MAD1L1: variants seen among roughly 807,000 people sequenced by gnomAD.
The protein encoded by MAD1L1 is mitotic spindle assembly checkpoint protein MAD1.
MAD1L1 carries 95 observed loss-of-function variants against 96.9 expected under a neutral mutation model. The observed-to-expected ratio is 0.98, with a 90% confidence interval of 0.83 to 1.16. The LOEUF (loss-of-function observed/expected upper bound fraction) is 1.16, where lower values mean the gene tolerates loss of function less well. Among genes scored for constraint, MAD1L1 ranks in the 50% most tolerant of loss-of-function variants. MAD1L1 has a pLI of 0.00. For synonymous variants in MAD1L1, 473 were observed against 396.6 expected (o/e 1.19, Z -2.29); for missense variants, 1,007 against 954.4 (o/e 1.06, Z -0.73).
intron 11 of MAD1L1, among the ~76,000 whole-genome samples, chr7:2,137,558 G>A (rs1187692423): frequency 6.6e-6 from 1 of 152,050 alleles, no homozygotes; most frequent in Non-Finnish European, 1.5e-5. Flanking sequence ...TGGCCCAGGT[G>A]AGTGAGGGGC....
intron 10 of MAD1L1, among the ~76,000 whole-genome samples, chr7:2,181,444 T>C (rs181981593): frequency 1.3e-5 from 2 of 152,362 alleles, no homozygotes; most frequent in East Asian, 3.9e-4. Flanking sequence ...AAATGCTAAA[T>C]ATCATTAATT....
At chr7:2,198,373 C>A (rs1039200239) in intron 10 of MAD1L1, among the ~76,000 whole-genome samples, 2 of 152,188 alleles carry the variant, frequency 1.3e-5, no homozygotes, top group Non-Finnish European at 2.9e-5. Context: ...CAGCCACTCA[C>A]GCTCTCCACA....
chr7:1,852,729 A>G (rs867787914), intron 18 of MAD1L1, among the ~76,000 whole-genome samples: 17 of 151,950 alleles, frequency 1.1e-4, no homozygotes, highest in Admixed American at 6.5e-4. Context: ...CGGTGTCGGC[A>G]CAGGCCTTGT....
rs1583913724 is a variant in MAD1L1, at chr7:1,957,512, C to T, written c.1596+117G>A. 11 of 1,023,508 alleles carry T rather than the reference C, an allele frequency of 1.1e-5. No individual in the cohort carries two copies. In the East Asian group the frequency reaches 2.7e-4, roughly 25 times the overall value. The allele number at this position is 1,023,508 out of a possible 1,614,324, so 63.4% of individuals were successfully genotyped here. On this transcript the variant is annotated intron_variant, in intron 16 of 18. Coordinates refer to ENST00000265854, the MANE Select transcript of MAD1L1 (RefSeq NM_001013836.2). ...GGTGCACATGGGAGGGAGGAGAGTTCAGACAGACGAGCCAGAAAACGGGTG... is the reference window on the plus strand; with the variant it reads ...GGTGCACATGGGAGGGAGGAGAGTTTAGACAGACGAGCCAGAAAACGGGTG...
At chr7:1,901,917 G>C (rs920920549) in intron 17 of MAD1L1, among the ~76,000 whole-genome samples, 1 of 152,164 alleles carries the variant, frequency 6.6e-6, no homozygotes, top group Non-Finnish European at 1.5e-5. Flanking sequence ...CCCCTGCTTT[G>C]GGCAGAACCG....
intron 15 of MAD1L1, among the ~76,000 whole-genome samples, chr7:1,963,726 G>A (rs1010947785): frequency 8.5e-5 from 13 of 152,204 alleles, no homozygotes; most frequent in South Asian, 2.1e-4. Context: ...GACGCCGTGC[G>A]CTGCCCTCCC....
intron 18 of MAD1L1, among the ~76,000 whole-genome samples, chr7:1,827,667 G>A (rs1215126439): frequency 2.0e-5 from 2 of 102,368 alleles, no homozygotes; most frequent in Non-Finnish European, 4.5e-5. Flanking sequence ...AGCCCGGCCC[G>A]GGTGTGGGGG....
intron 10 of MAD1L1, chr7:2,202,061 C>T (rs1792337403): frequency 6.6e-6 from 1 of 152,466 alleles, no homozygotes; most frequent in South Asian, 2.1e-4. Flanking sequence ...TCACAGCAGC[C>T]AAGAGCACTG....
chr7:2,009,870 G>C (rs1219830795), intron 13 of MAD1L1, among the ~76,000 whole-genome samples: 1 of 152,132 alleles, frequency 6.6e-6, no homozygotes, highest in Non-Finnish European at 1.5e-5. Context: ...GCTGCCGGGG[G>C]TGGCACCGGC....
At chr7:1,993,893 G>A (rs1781449219) in intron 14 of MAD1L1, among the ~76,000 whole-genome samples, 1 of 152,220 alleles carries the variant, frequency 6.6e-6, no homozygotes, top group Non-Finnish European at 1.5e-5. Context: ...CTGGCCCTGG[G>A]CTAACGCTGG....
chr7:2,141,246 C>T (rs531864191), intron 11 of MAD1L1, among the ~76,000 whole-genome samples: 2 of 152,382 alleles, frequency 1.3e-5, no homozygotes, highest in Admixed American at 1.3e-4. Context: ...CAGTGCCCCA[C>T]TGCGGAGGCC....
At chr7:1,836,555 C>A (rs1461710123) in intron 18 of MAD1L1, among the ~76,000 whole-genome samples, 1 of 152,148 alleles carries the variant, frequency 6.6e-6, no homozygotes, top group Middle Eastern at 3.2e-3. Context: ...GCCTCTGATA[C>A]CCGCACACTG....
chr7:2,097,501 G>T (rs1786554161), intron 11 of MAD1L1, among the ~76,000 whole-genome samples: 1 of 152,202 alleles, frequency 6.6e-6, no homozygotes, highest in African/African-American at 2.4e-5. Context: ...AAGCAATGGG[G>T]CCGAGGAACA....
intron 18 of MAD1L1, chr7:1,874,582 C>A: frequency 2.2e-6 from 1 of 452,210 alleles, no homozygotes; most frequent in Non-Finnish European, 4.4e-6. Context: ...GAGTGGCTCT[C>A]ACCTATCAGC....
intron 17 of MAD1L1, among the ~76,000 whole-genome samples, chr7:1,902,561 C>T (rs934415216): frequency 4.5e-4 from 69 of 152,360 alleles, no homozygotes; most frequent in African/African-American, 1.3e-3. Context: ...AAGGTACCGA[C>T]GGATCTTAGG....
chr7:1,960,717 T>A (rs1210805937), intron 15 of MAD1L1, among the ~76,000 whole-genome samples: 1 of 152,154 alleles, frequency 6.6e-6, no homozygotes, highest in African/African-American at 2.4e-5. Flanking sequence ...GACTTCAGTA[T>A]CCCTCTCTCA....
chr7:1,818,877 G>C (rs1412760096), intron 18 of MAD1L1, among the ~76,000 whole-genome samples: 2 of 151,948 alleles, frequency 1.3e-5, no homozygotes, highest in South Asian at 2.1e-4. Context: ...GGGGGTGGAC[G>C]GAGACAGGCA....
intron 17 of MAD1L1, among the ~76,000 whole-genome samples, chr7:1,913,550 C>A (rs914670302): frequency 6.6e-6 from 1 of 151,992 alleles, no homozygotes; most frequent in Non-Finnish European, 1.5e-5. Flanking sequence ...GCCCTGGCGT[C>A]CTGGGGGTTG....
At position 1,816,052 on chromosome 7, in the gene MAD1L1, T is replaced by C. The variant is rs1781778818; in HGVS notation, c.*18A>G. The C allele has an allele frequency of 6.3e-7, 1 of 1,597,836 alleles. No homozygotes were observed. The highest frequency in any genetic ancestry group is 8.5e-7 in the Non-Finnish European group (1 of 1,171,216). On this transcript the variant is annotated 3_prime_UTR_variant, in exon 19 of 19. Coordinates refer to ENST00000265854, the MANE Select transcript of MAD1L1 (RefSeq NM_001013836.2). ...AGGCCAAGCAGAGTGGCTCCGGCTA[T>C]GCCCCCGAGCCTGCAGGCTACGCCA...
Sources: gnomAD v4.1 joint callset for allele counts (sites outside exome capture counted in the v4.1 genomes callset) on GRCh38, gnomAD v4.1.1 for gene constraint, MANE v1.5 for transcripts, NCBI Gene and HGNC (gene_info 2026-07-23, HGNC 2026-07-21) for gene names.